Variants in PLPP3 observed in about 807,000 individuals in gnomAD.
PLPP3 encodes the protein PAP2 beta.
PLPP3 carries 6 observed loss-of-function variants against 29.6 expected under a neutral mutation model. That is an observed-to-expected ratio of 0.20 (90% confidence interval 0.11 to 0.40). The LOEUF is 0.40. Among genes scored for constraint, PLPP3 ranks in the 10% least tolerant of loss-of-function variants. The probability of loss-of-function intolerance (pLI) is 1.00; values close to 1 mark genes in which losing one functional copy is unlikely to be tolerated. For synonymous variants in PLPP3, 152 were observed against 159.7 expected, an observed-to-expected ratio of 0.95 and a Z score of 0.36; for missense variants, 308 against 407.7, an observed-to-expected ratio of 0.76 and a Z score of 2.11.
chr1:56,501,579 A>G (rs1569861484), intron 5 of PLPP3, among the ~76,000 whole-genome samples: 1 of 152,258 alleles, frequency 6.6e-6, no homozygotes, highest in Non-Finnish European at 1.5e-5. Flanking sequence ...TCTGTGGGGA[A>G]GTGATTCTGA....
At chr1:56,529,459 G>A (rs1347868766) in intron 2 of PLPP3, among the ~76,000 whole-genome samples, 1 of 152,160 alleles carries the variant, frequency 6.6e-6, no homozygotes, top group Non-Finnish European at 1.5e-5. Flanking sequence ...TTACATCTCG[G>A]TTACATGAAT....
chr1:56,575,009 A>G (rs1331178074), intron 1 of PLPP3, among the ~76,000 whole-genome samples: 1 of 152,226 alleles, frequency 6.6e-6, no homozygotes, highest in Admixed American at 6.5e-5. Flanking sequence ...ACAAGACTAT[A>G]ATGACTGTCT....
At chr1:56,548,660 C>T (rs76294340) in intron 1 of PLPP3, among the ~76,000 whole-genome samples, 1 of 152,030 alleles carries the variant, frequency 6.6e-6, no homozygotes, top group South Asian at 2.1e-4. Flanking sequence ...TCTCTGCCCC[C>T]CTAAAAATGC....
intron 5 of PLPP3, among the ~76,000 whole-genome samples, chr1:56,504,651 C>T (rs900707016): frequency 2.0e-5 from 3 of 152,142 alleles, no homozygotes; most frequent in Non-Finnish European, 4.4e-5. Context: ...ATGTTCTCAC[C>T]CATCGCCATG....
intron 1 of PLPP3, among the ~76,000 whole-genome samples, chr1:56,558,551 G>A (rs1409314623): frequency 6.6e-6 from 1 of 152,182 alleles, no homozygotes; most frequent in African/African-American, 2.4e-5. Flanking sequence ...ATTTATGACA[G>A]ATAACAGTTT....
In PLPP3 at chr1:56,523,856, G is replaced by A. The variant is rs756780018; in HGVS notation, c.600C>T (p.Ala200=). The change falls in exon 4 of 6, where the codon GCC becomes GCT. Residue 200 remains alanine, a synonymous_variant. Coordinates refer to ENST00000371250, the MANE Select transcript of PLPP3 (RefSeq NM_003713.5). ...ACAGCATAGTGTACATGGAGAAGGA[G>A]GCATGGCCAGAGAAGAAGGACTTCC... ...EARKSFFSGH[A]SFSMYTMLYL... 3.1e-6 allele frequency: 5 copies of A among 1,613,820 alleles called. No homozygotes were observed. The highest frequency in any genetic ancestry group is 1.1e-5 in the South Asian group (1 of 91,082).
chr1:56,519,318 C>A (rs1326068848), intron 4 of PLPP3, among the ~76,000 whole-genome samples: 1 of 152,098 alleles, frequency 6.6e-6, no homozygotes, highest in African/African-American at 2.4e-5. Context: ...TCCAGGTGAG[C>A]CTAGGGGTCA....
intron 5 of PLPP3, among the ~76,000 whole-genome samples, chr1:56,499,893 G>C (rs1156701837): frequency 6.6e-6 from 1 of 152,160 alleles, no homozygotes; most frequent in African/African-American, 2.4e-5. Flanking sequence ...AGGCTGGGAA[G>C]GGTCTATACA....
At chr1:56,552,627 C>A (rs1229150051) in intron 1 of PLPP3, among the ~76,000 whole-genome samples, 1 of 152,176 alleles carries the variant, frequency 6.6e-6, no homozygotes, top group African/African-American at 2.4e-5. Flanking sequence ...CTTTCCCCTA[C>A]AGGGACCCTG....
rs984921914 is a variant in PLPP3 at position 56,494,829 on chromosome 1, T to C, written c.*1722A>G. On this transcript the variant is annotated 3_prime_UTR_variant, in exon 6 of 6. Coordinates refer to ENST00000371250, the MANE Select transcript of PLPP3 (RefSeq NM_003713.5). ...AAGTATAGTTTCGCAGATACAAGTT[T>C]TCACTTTGTATGCTACAAAAGTCTT... is the stretch of plus-strand genomic sequence containing the variant. The C allele has an allele frequency of 6.6e-6, 1 of 152,670 alleles. No individual in the cohort carries two copies. The allele number at this position is 152,670 out of a possible 1,614,324, so 9.5% of individuals were successfully genotyped here.
intron 1 of PLPP3, among the ~76,000 whole-genome samples, chr1:56,552,222 T>TA (rs60245862): frequency 0.077 from 8,156 of 106,380 alleles, 222 homozygotes; most frequent in South Asian, 0.13. Flanking sequence ...GAGGCACTTA[T>TA]AAAAAAAAAA....
chr1:56,536,284 C>G lies in PLPP3; in HGVS notation c.297+671G>C, dbSNP rs181571384. Reference sequence around the variant, plus strand: ...CCTAGAAACTCAAACCCACAACTGTCAATTTGGAGCACACAGGAAAACTAG... The same window carrying G: ...CCTAGAAACTCAAACCCACAACTGTGAATTTGGAGCACACAGGAAAACTAG... On this transcript the variant is annotated intron_variant, in intron 2 of 5. Coordinates refer to ENST00000371250, the MANE Select transcript of PLPP3 (RefSeq NM_003713.5). 3.9e-5 allele frequency among the ~76,000 whole-genome samples: 6 copies of G among 152,290 alleles called. No individual in the cohort carries two copies. The East Asian group carries it at 1.2e-3, about 29-fold the overall frequency.
At chr1:56,529,704 G>A (rs7517929) in intron 2 of PLPP3, among the ~76,000 whole-genome samples, 2,639 of 152,266 alleles carry the variant, frequency 0.017, 26 homozygotes, top group Non-Finnish European at 0.03. Context: ...AGAAATAGTT[G>A]ATTGGAAATT....
chr1:56,547,000 G>A (rs1646010241), intron 1 of PLPP3, among the ~76,000 whole-genome samples: 1 of 152,198 alleles, frequency 6.6e-6, no homozygotes, highest in South Asian at 2.1e-4. Flanking sequence ...TGAGAAGGGA[G>A]TTAAAAATTA....
chr1:56,518,961 G>A (rs1246996822), intron 4 of PLPP3, among the ~76,000 whole-genome samples: 2 of 151,942 alleles, frequency 1.3e-5, no homozygotes, highest in Admixed American at 6.6e-5. Context: ...CAGAGGAGGG[G>A]GTTGTCATTC....
At chr1:56,500,813 T>C (rs1354411487) in intron 5 of PLPP3, among the ~76,000 whole-genome samples, 1 of 151,998 alleles carries the variant, frequency 6.6e-6, no homozygotes, top group African/African-American at 2.4e-5. Context: ...GAGACCAGCC[T>C]GGCCAACATG....
At chr1:56,530,238 G>A (rs2100257519) in intron 2 of PLPP3, among the ~76,000 whole-genome samples, 1 of 151,706 alleles carries the variant, frequency 6.6e-6, no homozygotes, top group South Asian at 2.1e-4. Context: ...CCCAATAAAT[G>A]TGGGTCTTCC....
chr1:56,536,553 G>A (rs1396255529), intron 2 of PLPP3, among the ~76,000 whole-genome samples: 1 of 152,174 alleles, frequency 6.6e-6, no homozygotes, highest in African/African-American at 2.4e-5. Context: ...ATGAAATGTG[G>A]TACATGTAAC....
chr1:56,549,897 C>T (rs1429461927), intron 1 of PLPP3, among the ~76,000 whole-genome samples: 1 of 152,204 alleles, frequency 6.6e-6, no homozygotes, highest in Non-Finnish European at 1.5e-5. Context: ...ACATTAGCTA[C>T]CGCTAGACAC....
Sources: allele counts gnomAD v4.1 joint callset (sites outside exome capture counted in the v4.1 genomes callset), GRCh38; gene constraint gnomAD v4.1.1; transcripts MANE v1.5; gene names NCBI Gene and HGNC (gene_info 2026-07-23, HGNC 2026-07-21).